Variants in ANO3 observed in about 807,000 individuals in gnomAD.
The protein encoded by ANO3 is anoctamin 3, also known as anoctamin-3.
ANO3 carries 99 observed loss-of-function variants against 144.8 expected under a neutral mutation model. That is an observed-to-expected ratio of 0.68 (90% CI 0.58 to 0.81). The LOEUF (loss-of-function observed/expected upper bound fraction) is 0.81. Ranked by LOEUF, ANO3 falls within the 30% of genes least tolerant of loss-of-function variation. The pLI is 0.00. For synonymous variants in ANO3, 414 were observed against 392.6 expected (o/e 1.05, Z -0.64); for missense variants, 905 against 1,202.2 (o/e 0.75, Z 3.66).
rs1264050807 is a variant in ANO3 at position 26,540,735 on chromosome 11, A to C, written c.1033-1212A>C. On this transcript the variant is annotated intron_variant, in intron 10 of 26. Transcript: ENST00000256737. ...GGTCGTTAGAGAAATGCAAATCAAA[A>C]CCACAATGAGATACCATCTTATGCT... Among the ~76,000 whole-genome samples the C allele has an allele frequency of 2.0e-5, 3 of 152,200 alleles. No individual in the cohort carries two copies. The East Asian group carries it at 5.8e-4, about 29-fold the overall frequency.
intron 3 of ANO3, among the ~76,000 whole-genome samples, chr11:26,460,422 G>GC (rs938755131): frequency 6.6e-5 from 3 of 45,544 alleles, no homozygotes; most frequent in African/African-American, 1.6e-4. Context: ...AGAAGAAAGG[G>GC]GGGGGGGCGG....
intron 1 of ANO3, among the ~76,000 whole-genome samples, chr11:26,337,304 T>C (rs1324627572): frequency 1.3e-5 from 2 of 152,230 alleles, no homozygotes; most frequent in Non-Finnish European, 2.9e-5. Context: ...TAGTAGTATA[T>C]GTTATGTGAT....
At chr11:26,229,632 T>C (rs1354595693) in intron 1 of ANO3, among the ~76,000 whole-genome samples, 1 of 152,214 alleles carries the variant, frequency 6.6e-6, no homozygotes, top group Non-Finnish European at 1.5e-5. Flanking sequence ...GCTAATCAAC[T>C]CTTGCCTTTT....
chr11:26,522,198 G>C (rs1862107970), intron 6 of ANO3, among the ~76,000 whole-genome samples: 1 of 147,072 alleles, frequency 6.8e-6, no homozygotes. Context: ...CAAACAAACA[G>C]CAACAACAAC....
intron 1 of ANO3, among the ~76,000 whole-genome samples, chr11:26,367,343 T>A (rs12805572): frequency 0.12 from 18,805 of 152,206 alleles, 1,310 homozygotes; most frequent in Admixed American, 0.19. Context: ...TGCACCAAGC[T>A]TTTTGCTAGG....
At chr11:26,331,232 A>G (rs564871574), upstream of ANO3, among the ~76,000 whole-genome samples, 213 of 152,300 alleles carry the variant, frequency 1.4e-3, 1 homozygote, top group African/African-American at 4.9e-3. Context: ...GCTGGGCTCA[A>G]TACCCGGGTG....
intron 4 of ANO3, among the ~76,000 whole-genome samples, chr11:26,482,912 C>T (rs1452560110): frequency 6.6e-6 from 1 of 152,140 alleles, no homozygotes; most frequent in Non-Finnish European, 1.5e-5. Flanking sequence ...CATGTTGCCG[C>T]AAAAGACATG....
In ANO3 at chr11:26,643,453, C is replaced by A. The variant is rs564400071; in HGVS notation, c.2428+119C>A. The stretch of plus-strand genomic sequence containing the variant: ...TTGCCAGTGTCATAGTATTAAGAGG[C>A]CTTTAAGAAGTGATTAAGCTGGCCG... On this transcript the variant is annotated intron_variant, in intron 23 of 26. Transcript: ENST00000256737. 1,063 of 1,289,958 alleles carry A rather than the reference C, an allele frequency of 8.2e-4. 2 individuals are homozygous for A. Among genetic ancestry groups the A allele is most frequent in the Non-Finnish European group, 9.5e-4 (897 of 943,910 alleles). The allele number at this position is 1,289,958 out of a possible 1,614,324, so 79.9% of individuals were successfully genotyped here.
At chr11:26,489,134 T>A (rs1860596934) in intron 4 of ANO3, among the ~76,000 whole-genome samples, 1 of 152,182 alleles carries the variant, frequency 6.6e-6, no homozygotes, top group Non-Finnish European at 1.5e-5. Context: ...AGTGGTTTCG[T>A]GGGCTGGCCC....
intron 14 of ANO3, chr11:26,560,058 T>C (rs915188071): frequency 4.1e-5 from 13 of 318,502 alleles, no homozygotes; most frequent in Admixed American, 1.4e-4. Context: ...AAAAACAAAC[T>C]GAAACATACT....
chr11:26,646,202 C>T (rs1853340803), intron 23 of ANO3, among the ~76,000 whole-genome samples: 1 of 152,060 alleles, frequency 6.6e-6, no homozygotes, highest in South Asian at 2.1e-4. Flanking sequence ...TGAACATTCT[C>T]CAGCTCAAAA....
intron 1 of ANO3, among the ~76,000 whole-genome samples, chr11:26,359,874 C>G (rs981368982): frequency 1.1e-5 from 1 of 89,986 alleles, no homozygotes; most frequent in African/African-American, 5.1e-5. Context: ...CTATGTCAGA[C>G]TAGTGTGTGT....
At chr11:26,259,508 CATGGTGGT>C (rs1853135239) in intron 1 of ANO3, among the ~76,000 whole-genome samples, 1 of 133,830 alleles carries the variant, frequency 7.5e-6, no homozygotes, top group Admixed American at 8.7e-5. Context: ...ATTAGCCTGG[CATGGTGGT>C]GTGTGCCTGT....
At chr11:26,639,496 C>T (rs1231522643) in intron 21 of ANO3, among the ~76,000 whole-genome samples, 6 of 152,152 alleles carry the variant, frequency 3.9e-5, no homozygotes, top group Admixed American at 3.9e-4. Flanking sequence ...TGTAGAGTAA[C>T]TTGTTTAATG....
At chr11:26,604,669 G>C (rs11029635) in intron 17 of ANO3, among the ~76,000 whole-genome samples, 17,851 of 151,994 alleles carry the variant, frequency 0.12, 1,222 homozygotes, top group African/African-American at 0.19. Flanking sequence ...TATTCTCTTT[G>C]TAGCAATTGT....
intron 1 of ANO3, among the ~76,000 whole-genome samples, chr11:26,205,799 T>C (rs1851784891): frequency 6.6e-6 from 1 of 152,216 alleles, no homozygotes; most frequent in South Asian, 2.1e-4. Context: ...AGGCATTGTC[T>C]AAGTCCCGAG....
intron 14 of ANO3, among the ~76,000 whole-genome samples, chr11:26,593,764 C>T (rs1851523098): frequency 6.6e-6 from 1 of 151,502 alleles, no homozygotes; most frequent in Non-Finnish European, 1.5e-5. Context: ...TGGAAGCAAG[C>T]CCTATTAGGC....
intron 1 of ANO3, among the ~76,000 whole-genome samples, chr11:26,196,997 G>A (rs80064131): frequency 0.014 from 2,141 of 152,278 alleles, 38 homozygotes; most frequent in East Asian, 0.099. Flanking sequence ...AGTACTTATA[G>A]AGTAGCTATA....
intron 1 of ANO3, among the ~76,000 whole-genome samples, chr11:26,210,767 G>A (rs1590195180): frequency 7.2e-6 from 1 of 138,032 alleles, no homozygotes; most frequent in Non-Finnish European, 1.7e-5. Flanking sequence ...GTTCCCTCAT[G>A]ATTTGGTTCT....
Sources: gnomAD v4.1 joint callset for allele counts (sites outside exome capture counted in the v4.1 genomes callset) on GRCh38, gnomAD v4.1.1 for gene constraint, MANE v1.5 for transcripts, NCBI Gene and HGNC (gene_info 2026-07-23, HGNC 2026-07-21) for gene names.